EPSTI1: variants seen among roughly 807,000 people sequenced by gnomAD.
The protein encoded by EPSTI1 is epithelial-stromal interaction protein 1.
EPSTI1 carries 66 observed loss-of-function variants against 49.9 expected under a neutral mutation model. That is an observed-to-expected ratio of 1.32 (90% CI 1.08 to 1.62). The LOEUF is 1.62. Ranked by LOEUF, EPSTI1 falls within the 40% of genes most tolerant of loss-of-function variation. The pLI, the probability that EPSTI1 is intolerant of heterozygous loss-of-function variation, is 0.00. For synonymous variants in EPSTI1, 137 were observed against 130.7 expected (o/e 1.05, Z -0.33); for missense variants, 394 against 365.5 (o/e 1.08, Z -0.64).
rs1443147364 is a variant in EPSTI1, at chr13:42,976,290, A to C, written c.189-5620T>G. Reference sequence around the variant, plus strand: ...AGCTGATAAAATCCTTCGGGAATACACCATTTTTACAGCAGATAGTAAGTG... The same window carrying C: ...AGCTGATAAAATCCTTCGGGAATACCCCATTTTTACAGCAGATAGTAAGTG... On this transcript the variant is annotated intron_variant, in intron 1 of 10. Coordinates refer to ENST00000313624, the MANE Select transcript of EPSTI1 (RefSeq NM_033255.5). 2.0e-5 allele frequency among the ~76,000 whole-genome samples: 3 copies of C among 152,172 alleles called. No individual in the cohort carries two copies. The East Asian group carries it at 5.8e-4, about 29-fold the overall frequency.
chr13:42,967,676 G>A (rs772637325), intron 3 of EPSTI1, among the ~76,000 whole-genome samples: 1 of 152,196 alleles, frequency 6.6e-6, no homozygotes, highest in African/African-American at 2.4e-5. Context: ...CTGTATCAGG[G>A]AAATCCAGGT....
intron 4 of EPSTI1, 90 bp downstream of exon 4, chr13:42,963,976 G>T: frequency 8.7e-7 from 1 of 1,153,286 alleles, no homozygotes; most frequent in Non-Finnish European, 1.2e-6. Flanking sequence ...TTATACTTTT[G>T]GTAAAGTTAC....
intron 8 of EPSTI1, among the ~76,000 whole-genome samples, chr13:42,906,134 G>T (rs957276815): frequency 6.6e-6 from 1 of 152,166 alleles, no homozygotes; most frequent in Non-Finnish European, 1.5e-5. Context: ...GGAGCTGCAG[G>T]ATGGCACCAA....
rs944879793 is a variant in EPSTI1, at chr13:42,912,336, C to T, written c.741+5205G>A. On this transcript the variant is annotated intron_variant, in intron 8 of 10. Transcript: ENST00000313624. ...TGGTGGTGGGTTCTTTTCCCTCCCA[C>T]ACTTGCACTACATAGTAGGCAGCAC... Among the ~76,000 whole-genome samples, 5 of 152,252 alleles carry T rather than the reference C, an allele frequency of 3.3e-5. No homozygotes were observed. The South Asian group carries it at 1.0e-3, about 32-fold the overall frequency.
At chr13:42,928,299 G>A (rs1323079814) in intron 6 of EPSTI1, among the ~76,000 whole-genome samples, 1 of 152,106 alleles carries the variant, frequency 6.6e-6, no homozygotes, top group Non-Finnish European at 1.5e-5. Context: ...CCATATATTG[G>A]CTGAACTGAA....
At chr13:42,939,398 T>G (rs1282379143) in intron 6 of EPSTI1, among the ~76,000 whole-genome samples, 1 of 151,020 alleles carries the variant, frequency 6.6e-6, no homozygotes, top group Non-Finnish European at 1.5e-5. Flanking sequence ...GCACAGAGCT[T>G]AGTCATTTTT....
chr13:42,985,860 C>G (rs929050921), intron 1 of EPSTI1, among the ~76,000 whole-genome samples: 1 of 152,186 alleles, frequency 6.6e-6, no homozygotes, highest in African/African-American at 2.4e-5. Flanking sequence ...ATGGACAACC[C>G]CAGATTTTCT....
chr13:42,964,922 A>G (rs1483036448), intron 3 of EPSTI1, among the ~76,000 whole-genome samples: 1 of 152,226 alleles, frequency 6.6e-6, no homozygotes, highest in South Asian at 2.1e-4. Flanking sequence ...TTTGGTCACT[A>G]AAAGTGTCAG....
intron 8 of EPSTI1, among the ~76,000 whole-genome samples, chr13:42,906,807 A>G (rs961237550): frequency 6.6e-6 from 1 of 151,912 alleles, no homozygotes; most frequent in African/African-American, 2.4e-5. Context: ...TAAAAATAAC[A>G]CAAGTAATGT....
At chr13:42,954,137 C>G in intron 5 of EPSTI1, 116 bp from the exon 6 acceptor site, 1 of 753,920 alleles carries the variant, frequency 1.3e-6, no homozygotes, top group African/African-American at 1.8e-5. Flanking sequence ...TAGTCTAATA[C>G]AGTATCCTGC....
intron 9 of EPSTI1, among the ~76,000 whole-genome samples, chr13:42,898,828 C>T (rs954965226): frequency 6.6e-6 from 1 of 152,094 alleles, no homozygotes. Flanking sequence ...CTCAGAAATC[C>T]AGAGAAATAA....
intron 3 of EPSTI1, among the ~76,000 whole-genome samples, chr13:42,968,381 C>A (rs953096550): frequency 6.6e-6 from 1 of 152,062 alleles, no homozygotes. Context: ...CCGTAAGTGG[C>A]CCCTGACACA....
At chr13:42,955,977 T>C (rs1330187369) in intron 5 of EPSTI1, among the ~76,000 whole-genome samples, 3 of 151,984 alleles carry the variant, frequency 2.0e-5, no homozygotes, top group Middle Eastern at 3.4e-3. Context: ...CTCGGTACCA[T>C]GTTAGATGCT....
chr13:42,913,929 T>A (rs7997164), intron 8 of EPSTI1, among the ~76,000 whole-genome samples: 47,060 of 152,006 alleles, frequency 0.31, 8,778 homozygotes, highest in Non-Finnish European at 0.42. Context: ...AATATGGTTG[T>A]TTAAAAGTAT....
chr13:42,891,597 A>G (rs993207017), intron 10 of EPSTI1, among the ~76,000 whole-genome samples: 1 of 152,096 alleles, frequency 6.6e-6, no homozygotes, highest in East Asian at 1.9e-4. Flanking sequence ...ATTATTTCAA[A>G]TCCAATTTTT....
chr13:42,939,905 C>T (rs2038695385), intron 6 of EPSTI1, among the ~76,000 whole-genome samples: 1 of 152,240 alleles, frequency 6.6e-6, no homozygotes, highest in Non-Finnish European at 1.5e-5. Flanking sequence ...TTTCTCTGCA[C>T]TGACATCACT....
intron 6 of EPSTI1, among the ~76,000 whole-genome samples, chr13:42,933,312 TA>T (rs1178617129): frequency 0.13 from 9,804 of 77,306 alleles, 910 homozygotes; most frequent in African/African-American, 0.3. Context: ...ACATAAAAAG[TA>T]AAAAAAAAAA....
intron 8 of EPSTI1, among the ~76,000 whole-genome samples, chr13:42,902,342 A>G (rs2037385564): frequency 6.6e-6 from 1 of 152,094 alleles, no homozygotes; most frequent in African/African-American, 2.4e-5. Flanking sequence ...CTTCAAAGGT[A>G]CCAGGTGCCT....
intron 1 of EPSTI1, among the ~76,000 whole-genome samples, chr13:42,973,945 C>T (rs1024790951): frequency 1.3e-5 from 2 of 152,114 alleles, no homozygotes; most frequent in African/African-American, 4.8e-5. Context: ...TTTCCAACAG[C>T]GCACATCCGT....
Sources: gnomAD v4.1 joint callset for allele counts (sites outside exome capture counted in the v4.1 genomes callset) on GRCh38, gnomAD v4.1.1 for gene constraint, MANE v1.5 for transcripts, NCBI Gene and HGNC (gene_info 2026-07-23, HGNC 2026-07-21) for gene names.